The following BDP1 variants were observed in gnomAD, a reference collection of about 807,000 sequenced individuals.
BDP1 encodes the protein BDP1 general transcription factor IIIB subunit.
BDP1 carries 169 observed loss-of-function variants against 266.6 expected under a neutral mutation model. The ratio of observed to expected loss-of-function variants is 0.63; its 90% CI spans 0.56 to 0.72. The LOEUF (loss-of-function observed/expected upper bound fraction) is 0.72, where lower values mean the gene tolerates loss of function less well. Ranked by LOEUF, BDP1 falls within the 30% of genes least tolerant of loss-of-function variation. The pLI, the probability that BDP1 is intolerant of heterozygous loss-of-function variation, is 0.00. For synonymous variants in BDP1, 1,090 were observed against 1,022.4 expected (o/e 1.07, Z -1.26); for missense variants, 3,015 against 3,053.8 (o/e 0.99, Z 0.30).
At chr5:71,503,462 A>G (rs1044820012) in intron 15 of BDP1, among the ~76,000 whole-genome samples, 1 of 152,228 alleles carries the variant, frequency 6.6e-6, no homozygotes, top group Non-Finnish European at 1.5e-5. Context: ...GCTTTTCCGT[A>G]TCACTTAGTG....
Position 71,565,576 on chromosome 5 carries a change from GAGGAGCAAT to G in BDP1, c.*695_*703del, listed in dbSNP as rs1743980178. 1 of 152,402 alleles carries G rather than the reference GAGGAGCAAT, an allele frequency of 6.6e-6. No homozygotes were observed. Among genetic ancestry groups the G allele is most frequent in the Non-Finnish European group, 1.5e-5 (1 of 68,236 alleles). 9.4% of individuals were successfully genotyped at this position (152,402 alleles called of 1,614,324 possible). A position where few individuals can be genotyped will look rare whatever the true frequency, so the allele number is the denominator to read the frequency against. ...TAACACATTGTAGAGGTTTGTAGCC[GAGGAGCAAT>G]AGGCTATACCACATAGCCTCAGTCT... On this transcript the variant is annotated 3_prime_UTR_variant, in exon 39 of 39. Transcript: ENST00000358731.
Position 71,467,390 on chromosome 5 carries a change from T to G in BDP1, c.822T>G (p.Cys274Trp), listed in dbSNP as rs765469637. ...AAGTTTTAAGAACAAAAGGCCCTTG[T>G]GTTGTTGAAGAAAATGACCCCATAT... Reference protein sequence around the residue: ...TVEVLRTKGPCVVEENDPIFE... With the variant: ...TVEVLRTKGPWVVEENDPIFE... Residue 274 changes from cysteine to tryptophan, a missense_variant, in exon 6 of 39, where the codon TGT becomes TGG. Coordinates refer to ENST00000358731, the MANE Select transcript of BDP1 (RefSeq NM_018429.3). 2 of 1,610,520 alleles carry G rather than the reference T, an allele frequency of 1.2e-6. No individual in the cohort carries two copies. Among genetic ancestry groups the G allele is most frequent in the Admixed American group, 1.7e-5 (1 of 59,942 alleles).
rs72647243 is a variant in BDP1, at chr5:71,557,945, A to G, written c.7240+1020A>G. Among the ~76,000 whole-genome samples the G allele has an allele frequency of 7.9e-3, 1,205 of 152,284 alleles. 46 individuals are homozygous for G. The highest frequency in any genetic ancestry group is 0.059 in the Admixed American group (896 of 15,296). On this transcript the variant is annotated intron_variant, in intron 36 of 38. Coordinates refer to ENST00000358731, the MANE Select transcript of BDP1 (RefSeq NM_018429.3). The stretch of plus-strand genomic sequence containing the variant: ...AGCTGAAAAGATCTTAGAGTCTTCT[A>G]TTTTTATAGGAATCTAAAATTTCTG...
In BDP1 at chr5:71,489,526, T is replaced by C; in HGVS notation, c.1336T>C (p.Ser446Pro). ...AGTTGAAGAAGAGTCTCTGACCTTA[T>C]CAAGGGAGGATGCAGAGCAGGTTGC... ...QTVEEESLTL[S>P]REDAEQVALE... is the part of the protein sequence containing the mutation. The change falls in exon 10 of 39, where the codon TCA becomes CCA. Residue 446 changes from serine (S) to proline (P), a missense_variant. Ser to Pro is a moderately conservative substitution (Grantham distance 74, BLOSUM62 -1). Transcript: ENST00000358731. 6.2e-7 allele frequency: 1 copy of C among 1,614,070 alleles called. No individual in the cohort carries two copies. Among genetic ancestry groups the C allele is most frequent in the Non-Finnish European group, 8.5e-7 (1 of 1,180,008 alleles).
chr5:71,492,603 T>C (rs537445312), intron 11 of BDP1, among the ~76,000 whole-genome samples: 126 of 152,296 alleles, frequency 8.3e-4, no homozygotes, highest in Middle Eastern at 3.4e-3. Flanking sequence ...TTTTTGCTAT[T>C]GAGTTTTGAG....
At chr5:71,513,156 C>T in intron 18 of BDP1, 29 bp from the exon 19 acceptor site, 2 of 1,558,922 alleles carry the variant, frequency 1.3e-6, no homozygotes, top group Non-Finnish European at 1.8e-6. Context: ...TCAGTTCATT[C>T]TAAAGCTTGA....
In BDP1 at chr5:71,470,473, C is replaced by G. The variant is rs752237292; in HGVS notation, c.998C>G (p.Ala333Gly). 2 of 1,608,740 alleles carry G rather than the reference C, an allele frequency of 1.2e-6. No homozygotes were observed. The highest frequency in any genetic ancestry group is 3.3e-5 in the Admixed American group (2 of 59,708). ...ATCGGACAACTTTTTCCTCACAGAG[C>G]AAGGATAGAAATTAAGGTAAAGTAA... ...SMIGQLFPHR[A>G]RIEIKNKFKR... Residue 333 changes from alanine to glycine, a missense_variant, in exon 7 of 39, where the codon GCA (alanine) becomes GGA (glycine). Ala to Gly is a moderately conservative substitution (Grantham distance 60). Coordinates refer to ENST00000358731, the MANE Select transcript of BDP1 (RefSeq NM_018429.3).
intron 12 of BDP1, among the ~76,000 whole-genome samples, chr5:71,496,027 G>T (rs918229532): frequency 4.6e-5 from 7 of 152,016 alleles, no homozygotes; most frequent in Non-Finnish European, 5.9e-5. Context: ...CGGATCAGGA[G>T]GTCAGGAGAT....
At chr5:71,541,896 A>G (rs1473344588) in intron 29 of BDP1, among the ~76,000 whole-genome samples, 1 of 152,180 alleles carries the variant, frequency 6.6e-6, no homozygotes, top group Admixed American at 6.6e-5. Flanking sequence ...ATTTATGTAA[A>G]TGTCTCTGTT....
chr5:71,470,629 C>A, intron 7 of BDP1, 140 bp downstream of exon 7: 1 of 637,196 alleles, frequency 1.6e-6, no homozygotes, highest in African/African-American at 1.9e-5. Flanking sequence ...CACTTTGTTG[C>A]CCAGGCTGGA....
Position 71,513,356 on chromosome 5 carries a change from T to C in BDP1, c.4419T>C (p.Thr1473=). Residue 1473 remains threonine (T), a synonymous_variant, in exon 19 of 39, where the codon ACT becomes ACC. Coordinates refer to ENST00000358731, the MANE Select transcript of BDP1 (RefSeq NM_018429.3). ...EKKSETKKME[T]IVMQENNEQT... is the part of the protein sequence containing the mutation. ...AATCAGAAACCAAGAAAATGGAGAC[T>C]ATTGTGATGCAAGAAAATAATGAAC... The C allele has an allele frequency of 1.3e-6, 2 of 1,598,640 alleles. No individual in the cohort carries two copies. Among genetic ancestry groups the C allele is most frequent in the Non-Finnish European group, 1.7e-6 (2 of 1,173,170 alleles).
Position 71,541,557 on chromosome 5 carries a change from T to G in BDP1, c.6126T>G (p.Leu2042=). ...NHKIVHECQE[L]SSPVITTSPA... is the part of the protein sequence containing the mutation. ...AAATTGTTCATGAATGTCAGGAACT[T>G]TCTTCACCTGTCATTACTACATCTC... The change falls in exon 29 of 39, where the codon CTT becomes CTG. Residue 2042 remains leucine (L), a synonymous_variant. Transcript: ENST00000358731. 6.2e-7 allele frequency: 1 copy of G among 1,611,974 alleles called. No homozygotes were observed. The highest frequency in any genetic ancestry group is 8.5e-7 in the Non-Finnish European group (1 of 1,178,288).
intron 25 of BDP1, among the ~76,000 whole-genome samples, chr5:71,528,975 T>C (rs1377048898): frequency 6.6e-6 from 1 of 152,266 alleles, no homozygotes; most frequent in African/African-American, 2.4e-5. Flanking sequence ...CCTGAATTAA[T>C]ACAGGCTATC....
In BDP1 at chr5:71,501,563, A is replaced by G. The variant is rs753973197; in HGVS notation, c.1958A>G (p.Asn653Ser). 13 of 1,519,524 alleles carry G rather than the reference A, an allele frequency of 8.6e-6. No individual in the cohort carries two copies. Among genetic ancestry groups the G allele is most frequent in the Middle Eastern group, 3.4e-4 (2 of 5,880 alleles). The allele number at this position is 1,519,524 out of a possible 1,614,324, so 94.1% of individuals were successfully genotyped here. ...AATTGTAGCAAATTAAATTCACAGA[A>G]CCACGTGGAAAAAGATAAAATGAAT... ...NSHSKTSVEKNHVEKDKMNTL... is the reference protein window; with the variant it reads ...NSHSKTSVEKSHVEKDKMNTL... Residue 653 changes from asparagine to serine, a missense_variant and splice_region_variant, in exon 14 of 39, where the codon AAC becomes AGC. Physicochemically the swap from Asn to Ser is conservative, Grantham distance 46. Transcript: ENST00000358731.
At chr5:71,511,301 G>A in intron 17 of BDP1, 150 bp downstream of exon 17, 1 of 726,650 alleles carries the variant, frequency 1.4e-6, no homozygotes, top group Non-Finnish European at 2.2e-6. Flanking sequence ...CTATGTTTCA[G>A]TGCCTTGAAG....
At chr5:71,463,955 A>G (rs1339036349) in intron 3 of BDP1, 103 bp from the exon 4 acceptor site, 7 of 682,384 alleles carry the variant, frequency 1.0e-5, no homozygotes, top group South Asian at 6.3e-5. Context: ...GTGATATATC[A>G]TTAAAAATTA....
chr5:71,575,990 A>C, the BDP1 span, among the ~76,000 whole-genome samples: 1 of 152,214 alleles, frequency 6.6e-6, no homozygotes. Flanking sequence ...ACCAATACTT[A>C]GGAACTATTG....
In BDP1 at chr5:71,564,872, A is replaced by G. The variant is rs774262547; in HGVS notation, c.7862A>G (p.Asp2621Gly). The G allele has an allele frequency of 6.4e-5, 103 of 1,597,100 alleles. 1 individual carries two copies. The highest frequency in any genetic ancestry group is 2.6e-6 in the Non-Finnish European group (3 of 1,175,886). Residue 2621 changes from aspartate (D) to glycine (G), a missense_variant, in exon 39 of 39, where the codon GAT becomes GGT. By Grantham distance (94) the Asp-to-Gly change is moderately conservative. Transcript: ENST00000358731. The part of the protein sequence containing the change: ...YFFNDIFIEV[D>G]ETE ...TTCAATGATATCTTCATTGAAGTGG[A>G]TGAAACAGAATAAAACAATCTTTTC...
At chr5:71,504,830 G>A in intron 16 of BDP1, 79 bp downstream of exon 16, 3 of 1,387,822 alleles carry the variant, frequency 2.2e-6, no homozygotes, top group Non-Finnish European at 3.0e-6. Context: ...TAAAGCAGAA[G>A]CAATTTAGAT....
Sources: gnomAD v4.1 joint callset for allele counts (sites outside exome capture counted in the v4.1 genomes callset) on GRCh38, gnomAD v4.1.1 for gene constraint, MANE v1.5 for transcripts, NCBI Gene and HGNC (gene_info 2026-07-23, HGNC 2026-07-21) for gene names.